Variants in NELL1 observed in about 807,000 individuals in gnomAD.
NELL1 encodes neural EGFL like 1.
In NELL1, 76 loss-of-function variants were observed where a neutral mutation model predicts 107.4. The ratio of observed to expected loss-of-function variants is 0.71; its 90% CI spans 0.59 to 0.86. The LOEUF is 0.86. NELL1 is among the 40% of genes least tolerant of loss of function. NELL1 has a pLI of 0.00. For missense variants in NELL1, 1,024 were observed against 1,005.5 expected (o/e 1.02, Z -0.25); for synonymous variants, 353 against 341.2 (o/e 1.03, Z -0.38).
intron 4 of NELL1, among the ~76,000 whole-genome samples, chr11:20,877,807 C>T (rs937230355): frequency 3.9e-5 from 6 of 152,006 alleles, no homozygotes; most frequent in Admixed American, 1.3e-4. Flanking sequence ...AAATATTGAT[C>T]GATACTAGTG....
intron 2 of NELL1, among the ~76,000 whole-genome samples, chr11:20,753,633 TG>T (rs1350265908): frequency 1.3e-5 from 2 of 152,366 alleles, no homozygotes; most frequent in East Asian, 1.9e-4. Context: ...CAATTCAAAA[TG>T]GCTTAAGTAA....
intron 12 of NELL1, among the ~76,000 whole-genome samples, chr11:21,101,823 T>G (rs1323244920): frequency 6.6e-6 from 1 of 152,204 alleles, no homozygotes; most frequent in Non-Finnish European, 1.5e-5. Flanking sequence ...TATTTTGCTG[T>G]GCAGAAGCTC....
chr11:21,337,513 C>T (rs914060854), intron 14 of NELL1, among the ~76,000 whole-genome samples: 1 of 152,220 alleles, frequency 6.6e-6, no homozygotes, highest in South Asian at 2.1e-4. Context: ...GAAGGCTAGA[C>T]AGCATACAGG....
chr11:21,484,218 A>G (rs1439389858), intron 15 of NELL1, among the ~76,000 whole-genome samples: 1 of 151,272 alleles, frequency 6.6e-6, no homozygotes, highest in African/African-American at 2.4e-5. Flanking sequence ...CCTAAAACAA[A>G]CAAAAAAAAA....
chr11:21,273,657 G>A (rs1848789860), intron 14 of NELL1, among the ~76,000 whole-genome samples: 1 of 152,176 alleles, frequency 6.6e-6, no homozygotes, highest in African/African-American at 2.4e-5. Context: ...CAGAGAGAAA[G>A]GTCGGGTTAC....
chr11:21,137,549 AGG>A (rs1855770997), intron 13 of NELL1, among the ~76,000 whole-genome samples: 4 of 152,222 alleles, frequency 2.6e-5, no homozygotes, highest in African/African-American at 9.6e-5. Context: ...TAGAATTTGG[AGG>A]GTTTTGGCAG....
chr11:21,243,434 T>C (rs79353355), intron 14 of NELL1, among the ~76,000 whole-genome samples: 1 of 152,204 alleles, frequency 6.6e-6, no homozygotes, highest in East Asian at 1.9e-4. Context: ...TGGGGTCTAG[T>C]GGGCAAACTC....
chr11:21,074,798 C>T (rs1590611443), intron 12 of NELL1, among the ~76,000 whole-genome samples: 1 of 151,906 alleles, frequency 6.6e-6, no homozygotes, highest in Non-Finnish European at 1.5e-5. Context: ...CCTGAGAACC[C>T]CTGGAGAAAG....
At chr11:21,230,778 T>G (rs1342640820) in intron 14 of NELL1, among the ~76,000 whole-genome samples, 1 of 151,562 alleles carries the variant, frequency 6.6e-6, no homozygotes, top group Non-Finnish European at 1.5e-5. Context: ...GCAGAAAGCC[T>G]AATACATGAC....
At chr11:21,001,345 C>T (rs934145379) in intron 12 of NELL1, among the ~76,000 whole-genome samples, 13 of 152,142 alleles carry the variant, frequency 8.5e-5, no homozygotes, top group African/African-American at 2.6e-4. Context: ...TTCTGTCTTC[C>T]GCTTAAGCCT....
At position 21,128,503 on chromosome 11, in the gene NELL1, A is replaced by C. The variant is rs75753210; in HGVS notation, c.1426+14789A>C. Among the ~76,000 whole-genome samples, 448 of 152,290 alleles carry C rather than the reference A, an allele frequency of 2.9e-3. 2 individuals are homozygous for C. Among genetic ancestry groups the C allele is most frequent in the Non-Finnish European group, 4.9e-3 (331 of 68,024 alleles). On this transcript the variant is annotated intron_variant, in intron 13 of 19. Coordinates refer to ENST00000357134, the MANE Select transcript of NELL1 (RefSeq NM_006157.5). ...TTCAGATTAAAGCCATTTGATTCTG[A>C]ATTTTGAGGAAGTGTTGAAGAAATG... is the stretch of plus-strand genomic sequence containing the variant.
intron 3 of NELL1, among the ~76,000 whole-genome samples, chr11:20,830,973 C>G (rs1245833979): frequency 6.6e-6 from 1 of 152,116 alleles, no homozygotes. Flanking sequence ...AAACCATATC[C>G]AATCATAGCA....
chr11:20,756,620 G>C (rs577187675), intron 2 of NELL1, among the ~76,000 whole-genome samples: 1 of 143,272 alleles, frequency 7.0e-6, no homozygotes, highest in Non-Finnish European at 1.5e-5. Context: ...CTTGGCCTCC[G>C]AAAGTGCTGG....
At chr11:21,145,441 A>G in intron 13 of NELL1, among the ~76,000 whole-genome samples, 1 of 152,220 alleles carries the variant, frequency 6.6e-6, no homozygotes, top group East Asian at 1.9e-4. Flanking sequence ...GGTATGTGGT[A>G]GAAGGAAAGA....
At chr11:21,431,909 T>C (rs913040831) in intron 15 of NELL1, among the ~76,000 whole-genome samples, 1 of 152,218 alleles carries the variant, frequency 6.6e-6, no homozygotes, top group Non-Finnish European at 1.5e-5. Context: ...GTTGAACTCA[T>C]CTTTACTAGC....
rs540038633 is a variant in NELL1, at chr11:21,125,394, A to C, written c.1426+11680A>C. Among the ~76,000 whole-genome samples the C allele has an allele frequency of 7.2e-5, 11 of 152,332 alleles. No individual in the cohort carries two copies. The East Asian group carries it at 2.1e-3, about 29-fold the overall frequency. Reference sequence around the variant, plus strand: ...TTAACTAGCTCAATGGTTTTCAGTCAGAATAACTTGGATTCTAAATAATCT... The same window carrying C: ...TTAACTAGCTCAATGGTTTTCAGTCCGAATAACTTGGATTCTAAATAATCT... On this transcript the variant is annotated intron_variant, in intron 13 of 19. Coordinates refer to ENST00000357134, the MANE Select transcript of NELL1 (RefSeq NM_006157.5).
chr11:21,044,996 A>C (rs1853322454), intron 12 of NELL1, among the ~76,000 whole-genome samples: 1 of 152,212 alleles, frequency 6.6e-6, no homozygotes, highest in Admixed American at 6.6e-5. Context: ...GTTGAGTTCA[A>C]AAAAGTTTAG....
intron 3 of NELL1, among the ~76,000 whole-genome samples, chr11:20,785,460 C>T (rs757326082): frequency 7.9e-5 from 12 of 152,236 alleles, no homozygotes; most frequent in Admixed American, 1.3e-4. Flanking sequence ...CTCAGCTTCA[C>T]AACCCTACCT....
intron 4 of NELL1, among the ~76,000 whole-genome samples, chr11:20,883,152 G>A (rs546619863): frequency 1.3e-5 from 2 of 152,332 alleles, no homozygotes; most frequent in African/African-American, 2.4e-5. Context: ...GGCAGCATCC[G>A]GCAGAGCTTC....
Sources: allele counts gnomAD v4.1 joint callset (sites outside exome capture counted in the v4.1 genomes callset), GRCh38; gene constraint gnomAD v4.1.1; transcripts MANE v1.5; gene names NCBI Gene and HGNC (gene_info 2026-07-23, HGNC 2026-07-21).